Variants in NUMB observed in about 807,000 individuals in gnomAD.
NUMB encodes the protein protein numb homolog.
A neutral mutation model predicts 59.7 loss-of-function variants in NUMB; 29 were observed. That is an observed-to-expected ratio of 0.49 (90% confidence interval 0.36 to 0.66). The LOEUF is 0.66. NUMB is among the 30% of genes least tolerant of loss of function. The pLI, the probability that NUMB is intolerant of heterozygous loss-of-function variation, is 0.00. For synonymous variants in NUMB, 288 were observed against 288.2 expected (o/e 1.00, Z 0.01); for missense variants, 723 against 822.0 (o/e 0.88, Z 1.47).
At chr14:73,429,502 A>G (rs910110045) in intron 1 of NUMB, among the ~76,000 whole-genome samples, 1 of 152,194 alleles carries the variant, frequency 6.6e-6, no homozygotes, top group Non-Finnish European at 1.5e-5. Context: ...GATATTGTAC[A>G]ATGTTAGTGA....
At chr14:73,352,471 CACACACATATAT>C (rs1893389648) in intron 4 of NUMB, among the ~76,000 whole-genome samples, 1 of 21,026 alleles carries the variant, frequency 4.8e-5, no homozygotes, top group African/African-American at 1.7e-4. Context: ...CACACACACA[CACACACATATAT>C]ATATATATAT....
At chr14:73,281,866 T>C (rs1888655035) in intron 11 of NUMB, among the ~76,000 whole-genome samples, 1 of 152,130 alleles carries the variant, frequency 6.6e-6, no homozygotes, top group Non-Finnish European at 1.5e-5. Context: ...TCGTCTACAC[T>C]GAAGGATGTT....
chr14:73,425,214 T>C (rs1449655734), intron 1 of NUMB, among the ~76,000 whole-genome samples: 1 of 152,198 alleles, frequency 6.6e-6, no homozygotes, highest in Non-Finnish European at 1.5e-5. Flanking sequence ...CAATAGAGCT[T>C]AAAGGAGTAT....
At chr14:73,450,156 G>A (rs886201898) in intron 1 of NUMB, among the ~76,000 whole-genome samples, 3 of 152,006 alleles carry the variant, frequency 2.0e-5, no homozygotes, top group African/African-American at 7.3e-5. Context: ...GCCCACTATG[G>A]GCAAAATGCT....
At chr14:73,363,023 C>T (rs985285894) in intron 3 of NUMB, among the ~76,000 whole-genome samples, 1 of 152,112 alleles carries the variant, frequency 6.6e-6, no homozygotes, top group Admixed American at 6.6e-5. Flanking sequence ...AAGCCGGGTG[C>T]AGTGGCTCAT....
At chr14:73,444,553 C>T (rs1883323805) in intron 1 of NUMB, among the ~76,000 whole-genome samples, 1 of 152,046 alleles carries the variant, frequency 6.6e-6, no homozygotes, top group Non-Finnish European at 1.5e-5. Flanking sequence ...AAACTCATCT[C>T]AATATTTATT....
chr14:73,448,921 A>G (rs1364943391), intron 1 of NUMB, among the ~76,000 whole-genome samples: 2 of 152,104 alleles, frequency 1.3e-5, no homozygotes, highest in Non-Finnish European at 2.9e-5. Flanking sequence ...GTATAATGGC[A>G]TAGTACAGTC....
At chr14:73,418,992 G>A (rs1897243187) in intron 1 of NUMB, among the ~76,000 whole-genome samples, 1 of 152,134 alleles carries the variant, frequency 6.6e-6, no homozygotes. Flanking sequence ...CATAATTACA[G>A]AAGTTATAAT....
chr14:73,312,812 TA>T (rs113192203), intron 6 of NUMB, among the ~76,000 whole-genome samples: 22 of 150,642 alleles, frequency 1.5e-4, no homozygotes, highest in Non-Finnish European at 2.4e-4. Flanking sequence ...CTTTTTACGT[TA>T]AAAAAAAATA....
intron 2 of NUMB, among the ~76,000 whole-genome samples, chr14:73,378,574 A>C (rs1895083138): frequency 6.6e-6 from 1 of 152,226 alleles, no homozygotes; most frequent in Admixed American, 6.5e-5. Flanking sequence ...CAGTGCTAAA[A>C]AACAAATAAG....
Position 73,352,511 on chromosome 14 carries a change from TATATATATATATA to T in NUMB, c.126+3102_126+3114del, listed in dbSNP as rs1566756299. ...ATATATATATATATATATATATATA[TATATATATATATA>T]TATATGTTTTTTTTTTTTTTTTTTT... On this transcript the variant is annotated intron_variant, in intron 4 of 12. Transcript: ENST00000555238. Among the ~76,000 whole-genome samples the T allele has an allele frequency of 5.6e-4, 11 of 19,766 alleles. 1 individual carries two copies. Among genetic ancestry groups the T allele is most frequent in the African/African-American group, 7.6e-4 (2 of 2,616 alleles). The allele number at this position is 19,766 out of a possible 152,430, so 13.0% of individuals were successfully genotyped here. A position where few individuals can be genotyped will look rare whatever the true frequency, so the allele number is the denominator to read the frequency against.
chr14:73,369,499 A>C (rs1199459682), intron 2 of NUMB, among the ~76,000 whole-genome samples: 1 of 152,222 alleles, frequency 6.6e-6, no homozygotes, highest in Non-Finnish European at 1.5e-5. Flanking sequence ...ATACTTCATA[A>C]AGTGAAAAAG....
At chr14:73,359,038 C>T (rs1893964054) in intron 3 of NUMB, among the ~76,000 whole-genome samples, 1 of 152,156 alleles carries the variant, frequency 6.6e-6, no homozygotes, top group Admixed American at 6.5e-5. Context: ...TTTATTTGCT[C>T]TTTGGGCAGC....
At chr14:73,298,413 G>T (rs1889916600) in intron 6 of NUMB, 2 of 152,278 alleles carry the variant, frequency 1.3e-5, no homozygotes, top group South Asian at 4.1e-4. Context: ...TGGGGACACA[G>T]GAAGATTTAA....
intron 7 of NUMB, among the ~76,000 whole-genome samples, chr14:73,296,587 A>T (rs1044675405): frequency 6.6e-6 from 1 of 152,230 alleles, no homozygotes; most frequent in Non-Finnish European, 1.5e-5. Context: ...CCTGAACGTT[A>T]AATAGTCTCT....
In NUMB at chr14:73,398,043, G is replaced by A. The variant is rs200657863; in HGVS notation, c.-101+11894C>T. Reference sequence around the variant, plus strand: ...TTAACAGCTGCCCTAGAATCCAAGCGGAAAATAGCCTAAGACAGCCTGCAA... The same window carrying A: ...TTAACAGCTGCCCTAGAATCCAAGCAGAAAATAGCCTAAGACAGCCTGCAA... On this transcript the variant is annotated intron_variant, in intron 2 of 12. Coordinates refer to ENST00000555238, the MANE Select transcript of NUMB (RefSeq NM_001005743.2). Among the ~76,000 whole-genome samples, 5 of 151,982 alleles carry A rather than the reference G, an allele frequency of 3.3e-5. No individual in the cohort carries two copies. In the East Asian group the frequency reaches 5.8e-4, roughly 18 times the overall value.
At chr14:73,415,322 A>C (rs1026676878) in intron 1 of NUMB, among the ~76,000 whole-genome samples, 1 of 152,166 alleles carries the variant, frequency 6.6e-6, no homozygotes, top group African/African-American at 2.4e-5. Context: ...CATTGTTACT[A>C]GTGAAAACAC....
chr14:73,395,092 T>TGTGTGTGTG (rs1896064910), intron 2 of NUMB, among the ~76,000 whole-genome samples: 9 of 141,646 alleles, frequency 6.4e-5, no homozygotes, highest in Admixed American at 1.4e-4. Context: ...TGTGTGTGTG[T>TGTGTGTGTG]TACATGTGGC....
intron 2 of NUMB, among the ~76,000 whole-genome samples, chr14:73,385,674 G>GT (rs1277637254): frequency 4.0e-5 from 6 of 151,446 alleles, no homozygotes; most frequent in African/African-American, 1.5e-4. Context: ...GCTAATTTTT[G>GT]TATTTTTAGT....
Sources: allele counts gnomAD v4.1 joint callset (sites outside exome capture counted in the v4.1 genomes callset), GRCh38; gene constraint gnomAD v4.1.1; transcripts MANE v1.5; gene names NCBI Gene and HGNC (gene_info 2026-07-23, HGNC 2026-07-21).